The following PPP1CB variants were observed in gnomAD, a reference collection of about 807,000 sequenced individuals.
PPP1CB encodes the protein serine/threonine-protein phosphatase PP1-beta catalytic subunit.
In PPP1CB, 2 loss-of-function variants were observed where a neutral mutation model predicts 43.7. The observed-to-expected ratio is 0.05, with a 90% CI of 0.02 to 0.14. The LOEUF is 0.14. Ranked by LOEUF, PPP1CB falls within the 10% of genes least tolerant of loss-of-function variation. PPP1CB has a pLI of 1.00. For missense variants in PPP1CB, 84 were observed against 398.0 expected (o/e 0.21, Z 6.71); for synonymous variants, 136 against 135.6 (o/e 1.00, Z -0.02).
Position 28,752,120 on chromosome 2 carries a change from A to G in PPP1CB, c.-5A>G, listed in dbSNP as rs1666309572. On this transcript the variant is annotated 5_prime_UTR_variant, in exon 1 of 8. Transcript: ENST00000395366. ...CTGCTGGGAAGGAGAGTCTGTGCCG[A>G]CAAGATGGCGGACGGGGAGCTGAAC... The G allele has an allele frequency of 5.8e-6, 9 of 1,549,804 alleles. No homozygotes were observed. Among genetic ancestry groups the G allele is most frequent in the Non-Finnish European group, 7.9e-6 (9 of 1,146,164 alleles).
chr2:28,752,432 C>T (rs1666334127), intron 1 of PPP1CB, among the ~76,000 whole-genome samples: 1 of 152,158 alleles, frequency 6.6e-6, no homozygotes, highest in African/African-American at 2.4e-5. Context: ...GGCCCGCCGG[C>T]CGAAGGCTGT....
intron 1 of PPP1CB, among the ~76,000 whole-genome samples, chr2:28,764,257 G>A (rs1666730798): frequency 6.6e-6 from 1 of 151,698 alleles, no homozygotes; most frequent in Non-Finnish European, 1.5e-5. Context: ...TCAGGAGATC[G>A]AGACCATCCT....
At chr2:28,782,651 G>A (rs1667178922) in intron 4 of PPP1CB, 1 of 152,190 alleles carries the variant, frequency 6.6e-6, no homozygotes, top group African/African-American at 2.4e-5. Context: ...TGACTAGAAG[G>A]TCAAGTACAT....
chr2:28,797,627 G>A (rs1469224671), intron 7 of PPP1CB, among the ~76,000 whole-genome samples: 1 of 152,088 alleles, frequency 6.6e-6, no homozygotes, highest in Admixed American at 6.6e-5. Context: ...TAGTTTGTGT[G>A]CACAGGTGTT....
chr2:28,776,538 G>A (rs970404075), intron 1 of PPP1CB, among the ~76,000 whole-genome samples: 7 of 152,102 alleles, frequency 4.6e-5, no homozygotes, highest in African/African-American at 1.7e-4. Context: ...GGGATTACAG[G>A]CATGAGCCAC....
rs72854739 is a variant in PPP1CB at position 28,797,494 on chromosome 2, C to T, written c.880-1705C>T. ...TTTAATTTCCTCCTGGTTCAGTCTT[C>T]GGAGTTTGTGTGTGTTTCTATGAAT... On this transcript the variant is annotated intron_variant, in intron 7 of 7. Transcript: ENST00000395366. Among the ~76,000 whole-genome samples the T allele has an allele frequency of 4.0e-3, 601 of 151,856 alleles. 2 individuals are homozygous for T. Among genetic ancestry groups the T allele is most frequent in the Non-Finnish European group, 4.5e-3 (304 of 67,876 alleles).
chr2:28,794,058 C>T (rs1387645171), intron 7 of PPP1CB, 61 bp downstream of exon 7: 11 of 1,415,550 alleles, frequency 7.8e-6, no homozygotes, highest in South Asian at 2.6e-5. Flanking sequence ...TATCAGAATT[C>T]GTTTTAGATT....
At chr2:28,797,366 A>G (rs1056436614) in intron 7 of PPP1CB, among the ~76,000 whole-genome samples, 27 of 152,012 alleles carry the variant, frequency 1.8e-4, no homozygotes, top group Admixed American at 1.5e-3. Flanking sequence ...TGTACATCTG[A>G]TATAATTCAG....
chr2:28,790,669 CATTA>C (rs1667366864), intron 6 of PPP1CB, among the ~76,000 whole-genome samples: 1 of 152,084 alleles, frequency 6.6e-6, no homozygotes, highest in African/African-American at 2.4e-5. Context: ...GTTTCATAAT[CATTA>C]ATTGTTATGT....
At chr2:28,797,610 G>T (rs1404653854) in intron 7 of PPP1CB, among the ~76,000 whole-genome samples, 1 of 152,022 alleles carries the variant, frequency 6.6e-6, no homozygotes, top group Non-Finnish European at 1.5e-5. Flanking sequence ...ATTTATTCTA[G>T]GTTTCCTAGT....
intron 7 of PPP1CB, among the ~76,000 whole-genome samples, chr2:28,795,739 A>G (rs951158186): frequency 6.6e-6 from 1 of 152,050 alleles, no homozygotes; most frequent in African/African-American, 2.4e-5. Context: ...CTCATTCTAT[A>G]GGTTGTCTGT....
At chr2:28,784,274 T>C (rs1227999183) in intron 5 of PPP1CB, among the ~76,000 whole-genome samples, 1 of 152,214 alleles carries the variant, frequency 6.6e-6, no homozygotes, top group African/African-American at 2.4e-5. Flanking sequence ...CATACTAGCA[T>C]TGGTTATGTT....
Position 28,800,605 on chromosome 2 carries a change from G to C in PPP1CB, c.*1302G>C, listed in dbSNP as rs919087496. On this transcript the variant is annotated 3_prime_UTR_variant, in exon 8 of 8. Coordinates refer to ENST00000395366, the MANE Select transcript of PPP1CB (RefSeq NM_002709.3). ...TTCTTTTCCTATTTCTTTTTTTTAA[G>C]GGTTAGTATTAACAAATGGCAATGA... is the stretch of plus-strand genomic sequence containing the variant. 2 of 151,876 alleles carry C rather than the reference G, an allele frequency of 1.3e-5. No individual in the cohort carries two copies. Among genetic ancestry groups the C allele is most frequent in the Non-Finnish European group, 2.9e-5 (2 of 67,830 alleles). 9.4% of individuals were successfully genotyped at this position (151,876 alleles called of 1,614,324 possible).
rs1024151638 is a variant in PPP1CB, at chr2:28,800,563, C to G, written c.*1260C>G. ...AGTAGCAATAATTTCTGTACCTGAT[C>G]AAGTTTATTGCAGCCTTTCTTTTCC... On this transcript the variant is annotated 3_prime_UTR_variant, in exon 8 of 8. Coordinates refer to ENST00000395366, the MANE Select transcript of PPP1CB (RefSeq NM_002709.3). 2 of 152,460 alleles carry G rather than the reference C, an allele frequency of 1.3e-5. No homozygotes were observed. Among genetic ancestry groups the G allele is most frequent in the African/African-American group, 2.4e-5 (1 of 41,428 alleles). The allele number at this position is 152,460 out of a possible 1,614,324, so 9.4% of individuals were successfully genotyped here. A position where few individuals can be genotyped will look rare whatever the true frequency, so the allele number is the denominator to read the frequency against.
At chr2:28,765,047 A>G (rs979665314) in intron 1 of PPP1CB, among the ~76,000 whole-genome samples, 12 of 152,228 alleles carry the variant, frequency 7.9e-5, no homozygotes, top group Non-Finnish European at 1.3e-4. Context: ...AAGGTTAGTG[A>G]AAAGTAAAAT....
At chr2:28,754,014 G>A (rs1292703604) in intron 1 of PPP1CB, among the ~76,000 whole-genome samples, 1 of 152,122 alleles carries the variant, frequency 6.6e-6, no homozygotes, top group Non-Finnish European at 1.5e-5. Context: ...GGGATTACAG[G>A]CGTGAGCCAT....
chr2:28,779,327 G>A (rs1667100452), intron 3 of PPP1CB, among the ~76,000 whole-genome samples: 1 of 152,164 alleles, frequency 6.6e-6, no homozygotes, highest in Non-Finnish European at 1.5e-5. Context: ...TGTAGGCAGT[G>A]GCCCTTGGTT....
chr2:28,794,806 A>T (rs1365581113), intron 7 of PPP1CB, among the ~76,000 whole-genome samples: 1 of 152,150 alleles, frequency 6.6e-6, no homozygotes, highest in Non-Finnish European at 1.5e-5. Flanking sequence ...CACATTGTAT[A>T]CCATGTACGG....
chr2:28,769,114 C>A (rs1363512523), intron 1 of PPP1CB, among the ~76,000 whole-genome samples: 1 of 152,170 alleles, frequency 6.6e-6, no homozygotes, highest in Non-Finnish European at 1.5e-5. Context: ...AGAAAAAATT[C>A]ATTATCTTCA....
Sources: allele counts gnomAD v4.1 joint callset (sites outside exome capture counted in the v4.1 genomes callset), GRCh38; gene constraint gnomAD v4.1.1; transcripts MANE v1.5; gene names NCBI Gene and HGNC (gene_info 2026-07-23, HGNC 2026-07-21).